The following FOXN3 variants were observed in gnomAD, a reference collection of about 807,000 sequenced individuals.
FOXN3 encodes forkhead box protein N3.
Under a neutral mutation model 38.4 loss-of-function variants are expected in FOXN3, and 7 were observed. The ratio of observed to expected loss-of-function variants is 0.18; its 90% confidence interval spans 0.10 to 0.34. The LOEUF is 0.34. Ranked by LOEUF, FOXN3 falls within the 10% of genes least tolerant of loss-of-function variation. The pLI, the probability that FOXN3 is intolerant of heterozygous loss-of-function variation, is 1.00. For synonymous variants in FOXN3, 230 were observed against 242.2 expected (o/e 0.95, Z 0.47); for missense variants, 456 against 613.4 (o/e 0.74, Z 2.71).
chr14:89,269,627 C>T (rs1051583178), intron 4 of FOXN3, among the ~76,000 whole-genome samples: 1 of 152,030 alleles, frequency 6.6e-6, no homozygotes, highest in Non-Finnish European at 1.5e-5. Context: ...CTAGGGCAAG[C>T]TCCTGTCCAG....
chr14:89,611,921 G>A (rs1317405396), intron 1 of FOXN3, among the ~76,000 whole-genome samples: 1 of 152,126 alleles, frequency 6.6e-6, no homozygotes, highest in East Asian at 1.9e-4. Flanking sequence ...ATTTCCGGTG[G>A]GAATTACAGC....
chr14:89,609,423 A>G (rs911871216), intron 1 of FOXN3, among the ~76,000 whole-genome samples: 1 of 152,114 alleles, frequency 6.6e-6, no homozygotes, highest in African/African-American at 2.4e-5. Flanking sequence ...GGCTGGCATC[A>G]AGGTTCTTAG....
chr14:89,536,564 G>A (rs767777991), intron 1 of FOXN3, among the ~76,000 whole-genome samples: 10 of 152,078 alleles, frequency 6.6e-5, no homozygotes, highest in African/African-American at 1.2e-4. Flanking sequence ...GGCGGATCAC[G>A]AGGTCAGGAG....
Position 89,162,881 on chromosome 14 carries a change from T to C in FOXN3, c.940A>G (p.Asn314Asp). The change falls in exon 6 of 6, where the codon AAC becomes GAC. Residue 314 changes from asparagine (N) to aspartate (D), a missense_variant. By Grantham distance (23) the Asn-to-Asp change is conservative. Coordinates refer to ENST00000557258, the MANE Select transcript of FOXN3 (RefSeq NM_005197.4). The surrounding 1 kb of genome is among the most constrained non-coding windows in gnomAD (Gnocchi z 7.2). ...VVSGDPKEDH[N>D]YSSAKSSNAR... ...TTGGAGGACTTGGCACTGCTGTAGT[T>C]GTGATCCTCCTTGGGGTCTCCGCTG... 1.2e-6 allele frequency: 2 copies of C among 1,611,690 alleles called. No homozygotes were observed. The highest frequency in any genetic ancestry group is 1.7e-6 in the Non-Finnish European group (2 of 1,179,728).
chr14:89,291,673 T>C, intron 3 of FOXN3: 1 of 421,326 alleles, frequency 2.4e-6, no homozygotes, highest in South Asian at 1.9e-5. Flanking sequence ...CCTGTGGCCC[T>C]TATTGTGTTG....
Position 89,162,544 on chromosome 14 carries a change from C to G in FOXN3, c.1277G>C (p.Ser426Thr), listed in dbSNP as rs1334249328. 2 of 1,613,822 alleles carry G rather than the reference C, an allele frequency of 1.2e-6. No individual in the cohort carries two copies. The highest frequency in any genetic ancestry group is 8.5e-7 in the Non-Finnish European group (1 of 1,179,984). The change falls in exon 6 of 6, where the codon AGC (serine) becomes ACC (threonine). Residue 426 changes from serine to threonine, a missense_variant. Ser to Thr is a moderately conservative substitution (Grantham distance 58). Coordinates refer to ENST00000557258, the MANE Select transcript of FOXN3 (RefSeq NM_005197.4). The surrounding 1 kb of genome is among the most constrained non-coding windows in gnomAD (Gnocchi z 7.2). ...CGCTTCTTTCATCTCCTCATCATCG[C>G]TCTCGGGGGGCTTTTCGGTGCGTCT... ...KKRRTEKPPE[S>T]DDEEMKEAAG...
rs554110117 is a variant in FOXN3, at chr14:89,373,030, G to A, written c.544-22222C>T. ...AAAATTTAAAAACTAGCTGGGTGTC[G>A]TGACGCAGGCCTGTGGTCCCAGCTA... On this transcript the variant is annotated intron_variant, in intron 2 of 5. Transcript: ENST00000557258. Among the ~76,000 whole-genome samples, 330 of 152,102 alleles carry A rather than the reference G, an allele frequency of 2.2e-3. 1 individual carries two copies. The highest frequency in any genetic ancestry group is 2.6e-3 in the Non-Finnish European group (180 of 68,008).
intron 1 of FOXN3, among the ~76,000 whole-genome samples, chr14:89,425,496 T>C (rs1892007677): frequency 6.6e-6 from 1 of 151,176 alleles, no homozygotes; most frequent in African/African-American, 2.4e-5. Context: ...GCCACCTGAG[T>C]AGCTGGGATT....
chr14:89,180,880 C>A, intron 4 of FOXN3, 74 bp from the exon 5 acceptor site: 1 of 1,120,900 alleles, frequency 8.9e-7, no homozygotes, highest in Non-Finnish European at 1.3e-6. Context: ...GTCAGAAATT[C>A]TGGATAGACC....
chr14:89,456,194 C>CA (rs10550227), intron 1 of FOXN3, among the ~76,000 whole-genome samples: 43,612 of 105,400 alleles, frequency 0.41, 8,736 homozygotes, highest in Admixed American at 0.46. Flanking sequence ...ACTCAGTCTC[C>CA]AAAAAAAAAA....
intron 1 of FOXN3, among the ~76,000 whole-genome samples, chr14:89,479,549 C>T (rs1315580733): frequency 6.6e-6 from 1 of 151,974 alleles, no homozygotes; most frequent in African/African-American, 2.4e-5. Flanking sequence ...AAGCTGTGCT[C>T]CCTTTCTGCA....
intron 1 of FOXN3, among the ~76,000 whole-genome samples, chr14:89,472,234 G>C (rs10141541): frequency 6.7e-6 from 1 of 149,492 alleles, no homozygotes; most frequent in South Asian, 2.1e-4. Flanking sequence ...CAGCCTGGGC[G>C]ACAGAGTGAG....
At chr14:89,409,866 G>A (rs1036798321) in intron 2 of FOXN3, among the ~76,000 whole-genome samples, 1 of 152,148 alleles carries the variant, frequency 6.6e-6, no homozygotes, top group South Asian at 2.1e-4. Flanking sequence ...CCTGAGATAC[G>A]GAGGGAAGGA....
chr14:89,370,036 G>C (rs2140054864), intron 2 of FOXN3, among the ~76,000 whole-genome samples: 1 of 151,758 alleles, frequency 6.6e-6, no homozygotes, highest in Admixed American at 6.6e-5. Flanking sequence ...GTACATCCTT[G>C]AACAGCAGTG....
chr14:89,319,700 C>G (rs1320687671), intron 3 of FOXN3, among the ~76,000 whole-genome samples: 2 of 152,036 alleles, frequency 1.3e-5, no homozygotes, highest in African/African-American at 4.8e-5. Flanking sequence ...CTCAGACTTG[C>G]TATGTTCAAT....
rs1181062507 is a variant in FOXN3 at position 89,412,745 on chromosome 14, T to A, written c.-14-255A>T. 2.0e-5 allele frequency among the ~76,000 whole-genome samples: 3 copies of A among 152,066 alleles called. No individual in the cohort carries two copies. Among genetic ancestry groups the A allele is most frequent in the African/African-American group, 7.2e-5 (3 of 41,410 alleles). Reference sequence around the variant, plus strand: ...TGCCCCTTAAATAAAATAAGACCAGTAACACCGGCCAGGCACGGTGGCTCA... The same window carrying A: ...TGCCCCTTAAATAAAATAAGACCAGAAACACCGGCCAGGCACGGTGGCTCA... On this transcript the variant is annotated intron_variant, in intron 1 of 5. Coordinates refer to ENST00000557258, the MANE Select transcript of FOXN3 (RefSeq NM_005197.4). The surrounding 1 kb of genome is among the most constrained non-coding windows in gnomAD (Gnocchi z 4.7).
chr14:89,602,454 A>C (rs941808037), intron 1 of FOXN3, among the ~76,000 whole-genome samples: 5 of 151,988 alleles, frequency 3.3e-5, no homozygotes, highest in Non-Finnish European at 5.9e-5. Flanking sequence ...TTTAAAGCAC[A>C]CTGTGCATTC....
chr14:89,612,668 C>G (rs888140930), intron 1 of FOXN3, among the ~76,000 whole-genome samples: 1 of 151,990 alleles, frequency 6.6e-6, no homozygotes, highest in Admixed American at 6.5e-5. Context: ...GTGGTACACA[C>G]CTGTGGTCCC....
In FOXN3 at chr14:89,162,385, T is replaced by A; in HGVS notation, c.*29A>T. The A allele has an allele frequency of 6.7e-7, 1 of 1,501,954 alleles. No homozygotes were observed. Among genetic ancestry groups the A allele is most frequent in the Non-Finnish European group, 8.9e-7 (1 of 1,123,192 alleles). The allele number at this position is 1,501,954 out of a possible 1,614,324, so 93.0% of individuals were successfully genotyped here. On this transcript the variant is annotated 3_prime_UTR_variant, in exon 6 of 6. Transcript: ENST00000557258. This position sits in a 1 kb window ranked among gnomAD's most constrained non-coding sequence, Gnocchi z 7.2. ...CTGACATGCTGAAACCAAATGGTCG[T>A]AAGTTCAAAACAAATCAGTGACTTG...
Sources: allele counts gnomAD v4.1 joint callset (sites outside exome capture counted in the v4.1 genomes callset), GRCh38; gene constraint gnomAD v4.1.1; non-coding constraint Gnocchi (gnomAD v3.1); transcripts MANE v1.5; gene names NCBI Gene and HGNC (gene_info 2026-07-23, HGNC 2026-07-21).